The following C2CD3 variants were observed in gnomAD, a reference collection of about 807,000 sequenced individuals.
C2CD3 encodes C2 domain-containing protein 3.
In C2CD3, 148 loss-of-function variants were observed where a neutral mutation model predicts 234.0. The ratio of observed to expected loss-of-function variants is 0.63; its 90% CI spans 0.55 to 0.72. The LOEUF (loss-of-function observed/expected upper bound fraction) is 0.72, where lower values mean the gene tolerates loss of function less well. C2CD3 is among the 30% of genes least tolerant of loss of function. C2CD3 has a pLI of 0.00. For missense variants in C2CD3, 2,577 were observed against 2,811.5 expected (o/e 0.92, Z 1.89); for synonymous variants, 1,000 against 1,035.4 (o/e 0.97, Z 0.66).
In C2CD3 at chr11:74,085,840, C is replaced by T. The variant is rs184661105; in HGVS notation, c.3688G>A (p.Gly1230Arg). 6 of 1,613,992 alleles carry T rather than the reference C, an allele frequency of 3.7e-6. No individual in the cohort carries two copies. In the African/African-American group the frequency reaches 4.0e-5, roughly 11 times the overall value. ...TGAGTGGTGACAGAGGCATTGACCCCGACTGTGGCACTAAACTGTAGAGCG... is the reference window on the plus strand; with the variant it reads ...TGAGTGGTGACAGAGGCATTGACCCTGACTGTGGCACTAAACTGTAGAGCG... The part of the protein sequence containing the change: ...EPALQFSATV[G>R]VNASVTTHLS... The change falls in exon 21 of 33, where the codon GGG becomes AGG. Residue 1230 changes from glycine (G) to arginine (R), a missense_variant. By Grantham distance (125) the Gly-to-Arg change is moderately radical. Transcript: ENST00000334126.
chr11:74,106,561 G>A, intron 12 of C2CD3, 68 bp from the exon 13 acceptor site: 1 of 1,434,052 alleles, frequency 7.0e-7, no homozygotes, highest in South Asian at 1.2e-5. Flanking sequence ...TAATTAAAGT[G>A]ACAACATATG....
At chr11:74,170,478 T>G (rs1337153110) in intron 1 of C2CD3, among the ~76,000 whole-genome samples, 1 of 152,190 alleles carries the variant, frequency 6.6e-6, no homozygotes, top group Non-Finnish European at 1.5e-5. Flanking sequence ...ATCCCATCAT[T>G]GTTTGTTCTT....
chr11:74,023,355 T>A lies in C2CD3; in HGVS notation c.6921+4932A>T, dbSNP rs139912374. 3.3e-5 allele frequency among the ~76,000 whole-genome samples: 5 copies of A among 152,314 alleles called. No homozygotes were observed. In the East Asian group the frequency reaches 9.6e-4, roughly 29 times the overall value. ...GCCTCTCAAAGTGCTCCTCTTCAGT[T>A]GTGAGGGCCAAGGCTGGCCTTAGGA... On this transcript the variant is annotated intron_variant, in intron 32 of 32. Transcript: ENST00000334126.
Position 74,114,602 on chromosome 11 carries a change from A to G in C2CD3, c.1521-9T>C. On this transcript the variant is annotated splice_polypyrimidine_tract_variant and intron_variant, in intron 9 of 32. Transcript: ENST00000334126. ...GTTGTTCAACCAAATTTCTGAAAGG[A>G]GTTCACACAAGCAGTGAGGCATACT... 1 of 1,586,220 alleles carries G rather than the reference A, an allele frequency of 6.3e-7. No homozygotes were observed. The highest frequency in any genetic ancestry group is 8.7e-7 in the Non-Finnish European group (1 of 1,154,572).
chr11:74,050,991 T>C (rs1361559663), intron 26 of C2CD3, among the ~76,000 whole-genome samples: 1 of 151,362 alleles, frequency 6.6e-6, no homozygotes, highest in African/African-American at 2.5e-5. Context: ...CTGAACCAGA[T>C]TCAAGATCCC....
intron 11 of C2CD3, among the ~76,000 whole-genome samples, chr11:74,112,521 C>T (rs757945153): frequency 6.6e-6 from 1 of 151,800 alleles, no homozygotes. Context: ...AAAGGACAAC[C>T]CACAGAATGG....
chr11:74,085,987 G>T, intron 20 of C2CD3, 101 bp from the exon 21 acceptor site: 1 of 1,186,546 alleles, frequency 8.4e-7, no homozygotes, highest in Non-Finnish European at 1.2e-6. Flanking sequence ...AGACCACCAA[G>T]AATAAAACCA....
At chr11:74,094,578 C>T (rs906504913) in intron 17 of C2CD3, among the ~76,000 whole-genome samples, 1 of 152,136 alleles carries the variant, frequency 6.6e-6, no homozygotes, top group Non-Finnish European at 1.5e-5. Context: ...TGTTTCAGCT[C>T]TCCGAGACTA....
rs77585298 is a variant in C2CD3 at position 74,047,044 on chromosome 11, C to T, written c.5495+1161G>A. On this transcript the variant is annotated intron_variant, in intron 28 of 32. Transcript: ENST00000334126. Reference sequence around the variant, plus strand: ...CATCCTACAAATTAGAAAGCTAAAGCTCAGAAAACTAAAGTAATTAGCCTC... The same window carrying T: ...CATCCTACAAATTAGAAAGCTAAAGTTCAGAAAACTAAAGTAATTAGCCTC... Among the ~76,000 whole-genome samples the T allele has an allele frequency of 1.4e-3, 210 of 152,262 alleles. 3 individuals carry two copies. The highest frequency in any genetic ancestry group is 4.3e-3 in the African/African-American group (178 of 41,534).
chr11:74,073,102 G>C (rs826069), intron 24 of C2CD3, among the ~76,000 whole-genome samples: 12,581 of 152,192 alleles, frequency 0.083, 1,400 homozygotes, highest in African/African-American at 0.25. Flanking sequence ...GGAATTCTTT[G>C]TGCCATGGAC....
At chr11:74,148,744 G>C (rs73561882) in intron 3 of C2CD3, among the ~76,000 whole-genome samples, 15,652 of 151,920 alleles carry the variant, frequency 0.1, 2,108 homozygotes, top group African/African-American at 0.32. Flanking sequence ...CAGCAACAAT[G>C]TAAAGCCACC....
intron 20 of C2CD3, among the ~76,000 whole-genome samples, chr11:74,087,130 C>T (rs1222575235): frequency 6.6e-6 from 1 of 152,098 alleles, no homozygotes; most frequent in African/African-American, 2.4e-5. Flanking sequence ...TTTTCCTTTT[C>T]ATTATCGTTA....
At chr11:74,132,501 C>A (rs1957709061) in intron 7 of C2CD3, among the ~76,000 whole-genome samples, 1 of 152,188 alleles carries the variant, frequency 6.6e-6, no homozygotes. Flanking sequence ...TTCAGAGATA[C>A]CTGCTTAAGG....
At chr11:74,031,230 C>T (rs889987362) in intron 31 of C2CD3, among the ~76,000 whole-genome samples, 1 of 152,354 alleles carries the variant, frequency 6.6e-6, no homozygotes, top group Non-Finnish European at 1.5e-5. Context: ...ACTATTATCA[C>T]CTCCATTTTA....
intron 24 of C2CD3, among the ~76,000 whole-genome samples, chr11:74,059,967 T>C (rs1337426826): frequency 6.6e-6 from 1 of 152,198 alleles, no homozygotes; most frequent in Non-Finnish European, 1.5e-5. Flanking sequence ...ACCAGGAGAC[T>C]GTATCCCGCG....
chr11:74,059,022 T>C (rs903996888), intron 24 of C2CD3, among the ~76,000 whole-genome samples: 1 of 152,072 alleles, frequency 6.6e-6, no homozygotes, highest in African/African-American at 2.4e-5. Flanking sequence ...AGACTATATA[T>C]TTCACGAGAT....
rs1855523292 is a variant in C2CD3, at chr11:74,150,444, C to T, written c.484-10616G>A. Reference sequence around the variant, plus strand: ...CAGAGGTTGCAGTGAGCTTAGATCACACCACCGCACTCCAGCCTGGGCTGG... The same window carrying T: ...CAGAGGTTGCAGTGAGCTTAGATCATACCACCGCACTCCAGCCTGGGCTGG... On this transcript the variant is annotated intron_variant, in intron 3 of 32. Coordinates refer to ENST00000334126, the MANE Select transcript of C2CD3 (RefSeq NM_001286577.2). Among the ~76,000 whole-genome samples the T allele has an allele frequency of 3.0e-5, 4 of 132,296 alleles. No individual in the cohort carries two copies. The South Asian group carries it at 9.7e-4, about 32-fold the overall frequency. 86.8% of individuals were successfully genotyped at this position (132,296 alleles called of 152,430 possible).
At chr11:74,082,278 G>A (rs192730846) in intron 22 of C2CD3, among the ~76,000 whole-genome samples, 22 of 152,108 alleles carry the variant, frequency 1.4e-4, no homozygotes, top group Middle Eastern at 3.4e-3. Flanking sequence ...ACCACGCCCA[G>A]CTAATTTTCT....
At chr11:74,083,327 A>G (rs1017234354) in intron 22 of C2CD3, among the ~76,000 whole-genome samples, 1 of 152,240 alleles carries the variant, frequency 6.6e-6, no homozygotes, top group African/African-American at 2.4e-5. Flanking sequence ...TAGACCTGAA[A>G]CCATAAAAAC....
Sources: allele counts gnomAD v4.1 joint callset (sites outside exome capture counted in the v4.1 genomes callset), GRCh38; gene constraint gnomAD v4.1.1; transcripts MANE v1.5; gene names NCBI Gene and HGNC (gene_info 2026-07-23, HGNC 2026-07-21).